Variants in CDK19 observed in about 807,000 individuals in gnomAD.
CDK19 encodes cyclin dependent kinase 19.
In CDK19, 20 loss-of-function variants were observed where a neutral mutation model predicts 68.3. That is an observed-to-expected ratio of 0.29 (90% CI 0.21 to 0.43). CDK19 has a LOEUF of 0.43. Among genes scored for constraint, CDK19 ranks in the 20% least tolerant of loss-of-function variants. The pLI is 1.00. For missense variants in CDK19, 339 were observed against 623.5 expected (o/e 0.54, Z 4.86); for synonymous variants, 221 against 222.8 (o/e 0.99, Z 0.07).
In CDK19 at chr6:110,651,779, T is replaced by C. The variant is rs1780988018; in HGVS notation, c.457-13073A>G. Among the ~76,000 whole-genome samples, 4 of 152,192 alleles carry C rather than the reference T, an allele frequency of 2.6e-5. 1 individual carries two copies. In the South Asian group the frequency reaches 8.3e-4, roughly 31 times the overall value. ...GTTTGAATAATATCAAAACAATCAG[T>C]TGAAAATTTTGAGAACCTGCCTCTA... On this transcript the variant is annotated intron_variant, in intron 4 of 12. Coordinates refer to ENST00000368911, the MANE Select transcript of CDK19 (RefSeq NM_015076.5).
At chr6:110,785,074 C>CA (rs66578190) in intron 1 of CDK19, among the ~76,000 whole-genome samples, 9,466 of 64,264 alleles carry the variant, frequency 0.15, 666 homozygotes, top group East Asian at 0.47. Context: ...ACTGAATTGT[C>CA]AAAAAAAAAA....
chr6:110,672,608 T>C (rs1435600399), intron 2 of CDK19, among the ~76,000 whole-genome samples: 1 of 152,242 alleles, frequency 6.6e-6, no homozygotes, highest in Non-Finnish European at 1.5e-5. Context: ...AATTGCTTAT[T>C]TTCCTTGCAA....
chr6:110,692,018 G>C (rs1206449699), intron 2 of CDK19, among the ~76,000 whole-genome samples: 1 of 151,734 alleles, frequency 6.6e-6, no homozygotes, highest in Admixed American at 6.6e-5. Flanking sequence ...CACACTGGCT[G>C]GGCGCGGTGG....
intron 2 of CDK19, among the ~76,000 whole-genome samples, chr6:110,726,484 T>A (rs1462538718): frequency 1.3e-5 from 2 of 152,166 alleles, no homozygotes; most frequent in Admixed American, 6.5e-5. Flanking sequence ...ATAATTGATA[T>A]ACAAGTAATG....
At chr6:110,677,982 G>A (rs1409107937) in intron 2 of CDK19, among the ~76,000 whole-genome samples, 3 of 152,086 alleles carry the variant, frequency 2.0e-5, no homozygotes, top group Non-Finnish European at 4.4e-5. Context: ...CAGTAGCTGA[G>A]ACTACAGCTG....
intron 2 of CDK19, among the ~76,000 whole-genome samples, chr6:110,699,215 A>T (rs1308249661): frequency 6.6e-6 from 1 of 152,114 alleles, no homozygotes; most frequent in African/African-American, 2.4e-5. Context: ...ACCTGAGGTC[A>T]GGAGTTCAAG....
At chr6:110,811,181 C>G (rs1440500171) in intron 1 of CDK19, among the ~76,000 whole-genome samples, 2 of 152,180 alleles carry the variant, frequency 1.3e-5, no homozygotes, top group Non-Finnish European at 2.9e-5. Context: ...AATCTTTAAT[C>G]TTCTGTAAGT....
chr6:110,815,152 T>C lies in CDK19; in HGVS notation c.-16A>G, dbSNP rs757970333. The C allele has an allele frequency of 1.3e-5, 20 of 1,573,130 alleles. 1 individual carries two copies. The South Asian group carries it at 1.4e-4, about 11-fold the overall frequency. Reference sequence around the variant, plus strand: ...CATAATCCATTGTCTGCTTCCCCCATAGAGGCACGGGACGCGGGGGCCGCC... The same window carrying C: ...CATAATCCATTGTCTGCTTCCCCCACAGAGGCACGGGACGCGGGGGCCGCC... On this transcript the variant is annotated 5_prime_UTR_variant, in exon 1 of 13. The change abolishes an upstream ATG in the 5' untranslated region. Transcript: ENST00000368911.
chr6:110,701,929 T>G (rs1292451744), intron 2 of CDK19, among the ~76,000 whole-genome samples: 1 of 150,432 alleles, frequency 6.6e-6, no homozygotes, highest in Non-Finnish European at 1.5e-5. Context: ...GATCACAAGG[T>G]CAGGAGTTCG....
At chr6:110,776,154 C>G (rs949099334) in intron 1 of CDK19, among the ~76,000 whole-genome samples, 1 of 152,110 alleles carries the variant, frequency 6.6e-6, no homozygotes, top group African/African-American at 2.4e-5. Flanking sequence ...AATAGCCAGG[C>G]GCAGTGGCTC....
At chr6:110,721,429 C>A (rs1180823211) in intron 2 of CDK19, among the ~76,000 whole-genome samples, 1 of 152,114 alleles carries the variant, frequency 6.6e-6, no homozygotes, top group South Asian at 2.1e-4. Context: ...CATATCACTT[C>A]TTTTGCTTGC....
intron 1 of CDK19, among the ~76,000 whole-genome samples, chr6:110,787,723 G>A (rs555960140): frequency 1.2e-4 from 19 of 152,222 alleles, no homozygotes; most frequent in Non-Finnish European, 2.6e-4. Flanking sequence ...ATTTATAGGC[G>A]TAAGCCATGA....
chr6:110,751,400 G>A (rs1778463379), intron 1 of CDK19, among the ~76,000 whole-genome samples: 1 of 152,010 alleles, frequency 6.6e-6, no homozygotes, highest in Non-Finnish European at 1.5e-5. Context: ...CAGGTTGCAT[G>A]CTCCTTATGA....
intron 1 of CDK19, among the ~76,000 whole-genome samples, chr6:110,777,286 A>C (rs151309932): frequency 6.6e-6 from 1 of 152,158 alleles, no homozygotes; most frequent in African/African-American, 2.4e-5. Flanking sequence ...TTTAAAATCA[A>C]TATATCCGAA....
intron 5 of CDK19, among the ~76,000 whole-genome samples, chr6:110,635,946 A>T (rs1779751808): frequency 6.6e-6 from 1 of 152,244 alleles, no homozygotes; most frequent in African/African-American, 2.4e-5. Context: ...AACAAAATTT[A>T]AAATCTATTT....
At chr6:110,635,863 A>G (rs1446903223) in intron 5 of CDK19, among the ~76,000 whole-genome samples, 2 of 152,212 alleles carry the variant, frequency 1.3e-5, no homozygotes, top group Non-Finnish European at 2.9e-5. Context: ...TTAAGCAAAA[A>G]ACAACACTGT....
intron 2 of CDK19, among the ~76,000 whole-genome samples, chr6:110,744,275 C>G (rs905413619): frequency 6.6e-6 from 1 of 151,970 alleles, no homozygotes; most frequent in Non-Finnish European, 1.5e-5. Context: ...TCCCAAAGTG[C>G]TGGGATTATA....
At chr6:110,652,898 C>T (rs1343486977) in intron 4 of CDK19, among the ~76,000 whole-genome samples, 1 of 152,108 alleles carries the variant, frequency 6.6e-6, no homozygotes, top group Non-Finnish European at 1.5e-5. Flanking sequence ...GCAGTGACAT[C>T]GTTTAAGGGA....
At chr6:110,812,197 T>C (rs1042334431) in intron 1 of CDK19, among the ~76,000 whole-genome samples, 1 of 151,740 alleles carries the variant, frequency 6.6e-6, no homozygotes, top group Non-Finnish European at 1.5e-5. Flanking sequence ...CTCGGCTCAC[T>C]GCAAGCTCCA....
Sources: gnomAD v4.1 joint callset for allele counts (sites outside exome capture counted in the v4.1 genomes callset) on GRCh38, gnomAD v4.1.1 for gene constraint, MANE v1.5 for transcripts, NCBI Gene and HGNC (gene_info 2026-07-23, HGNC 2026-07-21) for gene names.